Variants in PRKG1 observed in about 807,000 individuals in gnomAD.
PRKG1 encodes cGMP-dependent protein kinase 1.
PRKG1 carries 35 observed loss-of-function variants against 88.1 expected under a neutral mutation model. That is an observed-to-expected ratio of 0.40 (90% confidence interval 0.30 to 0.53). The LOEUF (loss-of-function observed/expected upper bound fraction) is 0.53. PRKG1 is among the 20% of genes least tolerant of loss of function. PRKG1 has a pLI of 0.59. For missense variants in PRKG1, 540 were observed against 839.8 expected, an observed-to-expected ratio of 0.64 and a Z score of 4.41; for synonymous variants, 303 against 292.5, an observed-to-expected ratio of 1.04 and a Z score of -0.37.
At chr10:51,100,124 C>T (rs1210787787) in intron 1 of PRKG1, among the ~76,000 whole-genome samples, 4 of 152,078 alleles carry the variant, frequency 2.6e-5, no homozygotes, top group Admixed American at 2.6e-4. Context: ...GAACCCCTGG[C>T]ATTAAGTAGT....
At chr10:52,086,486 C>A (rs1846918288) in intron 7 of PRKG1, among the ~76,000 whole-genome samples, 4 of 150,550 alleles carry the variant, frequency 2.7e-5, no homozygotes, top group African/African-American at 7.3e-5. Flanking sequence ...CTCACTGCAA[C>A]CTCTGCTTCC....
chr10:52,166,817 A>ATATGTATATATATG (rs1838469565), intron 9 of PRKG1, among the ~76,000 whole-genome samples: 1 of 3,360 alleles, frequency 3.0e-4, no homozygotes, highest in African/African-American at 5.2e-4. Flanking sequence ...ATGTATATAT[A>ATATGTATATATATG]TGTATATATA....
intron 2 of PRKG1, among the ~76,000 whole-genome samples, chr10:51,392,805 G>T (rs867517605): frequency 3.5e-4 from 49 of 139,820 alleles, no homozygotes; most frequent in East Asian, 1.5e-3. Flanking sequence ...CTGGCCGGGC[G>T]GGGGGCTGAC....
At chr10:51,796,887 C>T (rs1266477056) in intron 3 of PRKG1, among the ~76,000 whole-genome samples, 1 of 152,032 alleles carries the variant, frequency 6.6e-6, no homozygotes, top group Non-Finnish European at 1.5e-5. Context: ...TAAATACCCG[C>T]TTATGTGTCT....
chr10:51,750,527 G>A (rs1837696744), intron 3 of PRKG1, among the ~76,000 whole-genome samples: 1 of 152,048 alleles, frequency 6.6e-6, no homozygotes, highest in South Asian at 2.1e-4. Context: ...GCTAGCTGCT[G>A]GGTACACTGT....
intron 3 of PRKG1, among the ~76,000 whole-genome samples, chr10:51,554,028 C>A (rs12269718): frequency 1.6e-5 from 1 of 62,288 alleles, no homozygotes; most frequent in Non-Finnish European, 3.3e-5. Context: ...GTATGTGATA[C>A]GTGTATATAT....
chr10:51,659,740 T>C (rs1009682106), intron 3 of PRKG1, among the ~76,000 whole-genome samples: 4 of 152,094 alleles, frequency 2.6e-5, no homozygotes, highest in Non-Finnish European at 5.9e-5. Context: ...AAATTGCAAA[T>C]GCAAACTTGC....
At position 51,865,383 on chromosome 10, in the gene PRKG1, C is replaced by A. The variant is rs182526807; in HGVS notation, c.699-42124C>A. On this transcript the variant is annotated intron_variant, in intron 4 of 17. Transcript: ENST00000373980. ...TAATTTACAACAAGGCATTAATAAA[C>A]TTTTCTAATAGTGAAGAATATTTTT... 3.6e-3 allele frequency among the ~76,000 whole-genome samples: 552 copies of A among 151,558 alleles called. 6 individuals carry two copies. The highest frequency in any genetic ancestry group is 0.013 in the African/African-American group (522 of 41,190).
intron 2 of PRKG1, chr10:51,245,886 G>C (rs1021633506): frequency 6.6e-6 from 1 of 152,112 alleles, no homozygotes; most frequent in African/African-American, 2.4e-5. Flanking sequence ...CTGTACTAGA[G>C]AGTAGGAAGC....
intron 4 of PRKG1, among the ~76,000 whole-genome samples, chr10:51,906,235 G>A (rs1028244838): frequency 6.6e-6 from 1 of 152,134 alleles, no homozygotes; most frequent in African/African-American, 2.4e-5. Flanking sequence ...GACTAACAGA[G>A]GAGAGAGTGT....
At chr10:51,345,681 TGA>T (rs1292389281) in intron 2 of PRKG1, among the ~76,000 whole-genome samples, 1 of 152,234 alleles carries the variant, frequency 6.6e-6, no homozygotes, top group Non-Finnish European at 1.5e-5. Flanking sequence ...GCCTTATCCT[TGA>T]TAAGAGCTTT....
At chr10:51,687,773 T>C (rs1841030551) in intron 3 of PRKG1, among the ~76,000 whole-genome samples, 2 of 152,198 alleles carry the variant, frequency 1.3e-5, no homozygotes, top group Non-Finnish European at 2.9e-5. Context: ...TAAATGTTTC[T>C]ACCAATTCAA....
At chr10:52,027,580 C>A (rs1341266745) in intron 5 of PRKG1, among the ~76,000 whole-genome samples, 2 of 152,128 alleles carry the variant, frequency 1.3e-5, no homozygotes, top group East Asian at 3.9e-4. Flanking sequence ...TCCAAGTAGA[C>A]ACACATAAAC....
intron 3 of PRKG1, among the ~76,000 whole-genome samples, chr10:51,481,343 G>A (rs1446956481): frequency 1.3e-5 from 2 of 152,034 alleles, no homozygotes; most frequent in Admixed American, 6.6e-5. Context: ...CATCTCACAG[G>A]TTAAAGCAAT....
intron 3 of PRKG1, among the ~76,000 whole-genome samples, chr10:51,729,816 T>G (rs1308953836): frequency 3.9e-5 from 6 of 152,010 alleles, no homozygotes; most frequent in Non-Finnish European, 1.5e-5. Context: ...TGAGTGATGT[T>G]TTCAAATGCA....
chr10:52,086,522 A>G (rs1440682836), intron 7 of PRKG1, among the ~76,000 whole-genome samples: 2 of 151,284 alleles, frequency 1.3e-5, no homozygotes, highest in Admixed American at 6.6e-5. Flanking sequence ...TTCCTGCCTC[A>G]GCCTCCTGAA....
intron 3 of PRKG1, among the ~76,000 whole-genome samples, chr10:51,793,808 C>T (rs143833110): frequency 0.017 from 2,546 of 152,230 alleles, 91 homozygotes; most frequent in African/African-American, 0.058. Flanking sequence ...GTTGCCCAGG[C>T]TGGAGTGCAG....
chr10:51,978,310 CT>C (rs1843901186), intron 5 of PRKG1, among the ~76,000 whole-genome samples: 1 of 151,840 alleles, frequency 6.6e-6, no homozygotes, highest in Non-Finnish European at 1.5e-5. Context: ...CTCCATTTCA[CT>C]GGTTTATGTG....
intron 2 of PRKG1, among the ~76,000 whole-genome samples, chr10:51,256,407 G>A (rs763819037): frequency 2.6e-5 from 4 of 152,126 alleles, no homozygotes; most frequent in Non-Finnish European, 4.4e-5. Flanking sequence ...TGAATGTACT[G>A]TACTTCTAGG....
Sources: gnomAD v4.1 joint callset for allele counts (sites outside exome capture counted in the v4.1 genomes callset) on GRCh38, gnomAD v4.1.1 for gene constraint, MANE v1.5 for transcripts, NCBI Gene and HGNC (gene_info 2026-07-23, HGNC 2026-07-21) for gene names.